The following EDIL3 variants were observed in gnomAD, a reference collection of about 807,000 sequenced individuals.
EDIL3 encodes EGF-like repeat and discoidin I-like domain-containing protein 3.
Under a neutral mutation model 67.4 loss-of-function variants are expected in EDIL3, and 37 were observed. The ratio of observed to expected loss-of-function variants is 0.55; its 90% CI spans 0.42 to 0.72. EDIL3 has a LOEUF of 0.72. EDIL3 is among the 30% of genes least tolerant of loss of function. EDIL3 has a pLI of 0.00. For missense variants in EDIL3, 527 were observed against 586.3 expected (o/e 0.90, Z 1.04); for synonymous variants, 195 against 196.3 (o/e 0.99, Z 0.05).
At chr5:84,011,852 G>T (rs1189681038) in intron 9 of EDIL3, among the ~76,000 whole-genome samples, 1 of 152,062 alleles carries the variant, frequency 6.6e-6, no homozygotes, top group East Asian at 1.9e-4. Context: ...ATCTAAAACA[G>T]CAATCCCATT....
At chr5:84,313,247 C>T (rs1388737835) in intron 1 of EDIL3, among the ~76,000 whole-genome samples, 2 of 152,310 alleles carry the variant, frequency 1.3e-5, no homozygotes, top group African/African-American at 4.8e-5. Context: ...ACCACTGCAG[C>T]TCCACATTAC....
chr5:84,124,781 T>A (rs1182823176), intron 5 of EDIL3, among the ~76,000 whole-genome samples: 1 of 151,960 alleles, frequency 6.6e-6, no homozygotes, highest in South Asian at 2.1e-4. Flanking sequence ...TTTTGCATAA[T>A]GAATGAACTC....
intron 4 of EDIL3, among the ~76,000 whole-genome samples, chr5:84,176,227 A>T (rs1188607960): frequency 3.8e-5 from 5 of 132,572 alleles, no homozygotes; most frequent in Non-Finnish European, 6.3e-5. Flanking sequence ...ATATATATAT[A>T]ATATATTGTA....
intron 2 of EDIL3, among the ~76,000 whole-genome samples, chr5:84,252,152 G>T (rs976692507): frequency 4.6e-5 from 7 of 151,982 alleles, no homozygotes; most frequent in African/African-American, 1.7e-4. Context: ...TTGAATGTTG[G>T]ATTAATATTT....
chr5:84,336,941 A>G (rs540989076), intron 1 of EDIL3, among the ~76,000 whole-genome samples: 2 of 152,222 alleles, frequency 1.3e-5, no homozygotes, highest in East Asian at 3.9e-4. Context: ...TCTAGTAGGT[A>G]GTAAAACTGA....
chr5:84,302,992 T>A (rs922377575), intron 1 of EDIL3, among the ~76,000 whole-genome samples: 1 of 152,218 alleles, frequency 6.6e-6, no homozygotes, highest in African/African-American at 2.4e-5. Context: ...GTAGCTTCTG[T>A]TCTAAAGAGA....
In EDIL3 at chr5:84,208,604, G is replaced by A. The variant is rs1416501617; in HGVS notation, c.226+21251C>T. Among the ~76,000 whole-genome samples the A allele has an allele frequency of 6.2e-5, 9 of 144,326 alleles. No individual in the cohort carries two copies. In the East Asian group the frequency reaches 6.3e-4, roughly 10 times the overall value. 94.7% of individuals were successfully genotyped at this position (144,326 alleles called of 152,430 possible). The stretch of plus-strand genomic sequence containing the variant: ...TGAGGCAGGAGAATGGCGTGAACCC[G>A]GGAAGCGGAGCTTGCAGTGAGCCGA... On this transcript the variant is annotated intron_variant, in intron 3 of 10. Transcript: ENST00000296591.
In EDIL3 at chr5:84,162,935, T is replaced by C. The variant is rs74426952; in HGVS notation, c.355+17458A>G. ...ACATCATCATAATAAAAGGAAAAGC[T>C]TAGTGTTTTATTTCTTTCTGACCTT... is the stretch of plus-strand genomic sequence containing the variant. On this transcript the variant is annotated intron_variant, in intron 4 of 10. Coordinates refer to ENST00000296591, the MANE Select transcript of EDIL3 (RefSeq NM_005711.5). Among the ~76,000 whole-genome samples, 448 of 152,216 alleles carry C rather than the reference T, an allele frequency of 2.9e-3. 2 individuals carry two copies. Among genetic ancestry groups the C allele is most frequent in the Non-Finnish European group, 4.7e-3 (321 of 67,994 alleles).
At chr5:84,105,633 C>T (rs189407164) in intron 6 of EDIL3, among the ~76,000 whole-genome samples, 25 of 152,038 alleles carry the variant, frequency 1.6e-4, no homozygotes, top group Non-Finnish European at 3.4e-4. Flanking sequence ...CAATATCTCC[C>T]TACTCTACTG....
intron 5 of EDIL3, among the ~76,000 whole-genome samples, chr5:84,110,677 G>A (rs1351454047): frequency 1.3e-5 from 2 of 152,168 alleles, no homozygotes; most frequent in Non-Finnish European, 2.9e-5. Context: ...GAGGATGGAA[G>A]TTAAGCTTGT....
intron 3 of EDIL3, among the ~76,000 whole-genome samples, chr5:84,186,345 A>C (rs1216531594): frequency 6.6e-6 from 1 of 152,072 alleles, no homozygotes; most frequent in Non-Finnish European, 1.5e-5. Context: ...CACTAATTTC[A>C]GGTTAAATAA....
chr5:84,150,736 C>A (rs1489321977), intron 4 of EDIL3, among the ~76,000 whole-genome samples: 1 of 152,102 alleles, frequency 6.6e-6, no homozygotes, highest in Non-Finnish European at 1.5e-5. Flanking sequence ...AATACTTAAA[C>A]ACATGTCTAC....
At chr5:84,158,117 G>A (rs1343412348) in intron 4 of EDIL3, among the ~76,000 whole-genome samples, 1 of 152,024 alleles carries the variant, frequency 6.6e-6, no homozygotes, top group Non-Finnish European at 1.5e-5. Context: ...AAAACCAGAT[G>A]TGCCAAATGA....
intron 1 of EDIL3, among the ~76,000 whole-genome samples, chr5:84,291,848 T>C (rs886073737): frequency 1.7e-4 from 26 of 149,246 alleles, no homozygotes; most frequent in African/African-American, 6.4e-4. Flanking sequence ...TATATATACC[T>C]ACAGGCCCTG....
Position 83,940,557 on chromosome 5 carries a change from T to A in EDIL3, c.*2862A>T, listed in dbSNP as rs1404671473. 1 of 152,044 alleles carries A rather than the reference T, an allele frequency of 6.6e-6. No individual in the cohort carries two copies. Among genetic ancestry groups the A allele is most frequent in the East Asian group, 1.9e-4 (1 of 5,188 alleles). 9.4% of individuals were successfully genotyped at this position (152,044 alleles called of 1,614,324 possible). ...ATTCACATTCAGACAATTTGTGTATTCTTATAAATGTGTTTAATTACAACT... is the reference window on the plus strand; with the variant it reads ...ATTCACATTCAGACAATTTGTGTATACTTATAAATGTGTTTAATTACAACT... On this transcript the variant is annotated 3_prime_UTR_variant, in exon 11 of 11. Transcript: ENST00000296591.
chr5:84,066,669 C>T (rs1019848194), intron 6 of EDIL3, 63 bp from the exon 7 acceptor site: 56 of 1,538,640 alleles, frequency 3.6e-5, no homozygotes, highest in African/African-American at 8.5e-5. Context: ...ACTGAAAATA[C>T]GAATTTTAGA....
chr5:84,104,948 G>T (rs141258724), intron 6 of EDIL3, among the ~76,000 whole-genome samples: 1 of 151,966 alleles, frequency 6.6e-6, no homozygotes, highest in Non-Finnish European at 1.5e-5. Flanking sequence ...TGAAGCTCAC[G>T]AACATAATTT....
At chr5:83,986,985 A>G (rs1181031297) in intron 9 of EDIL3, among the ~76,000 whole-genome samples, 1 of 152,136 alleles carries the variant, frequency 6.6e-6, no homozygotes, top group Non-Finnish European at 1.5e-5. Context: ...TCAGGAAGCT[A>G]AGAAAGTTAC....
chr5:84,074,749 T>C (rs1746818079), intron 6 of EDIL3, among the ~76,000 whole-genome samples: 2 of 152,042 alleles, frequency 1.3e-5, no homozygotes, highest in South Asian at 4.1e-4. Context: ...ACACTGTTGG[T>C]GGGACGGTAA....
Sources: allele counts gnomAD v4.1 joint callset (sites outside exome capture counted in the v4.1 genomes callset), GRCh38; gene constraint gnomAD v4.1.1; transcripts MANE v1.5; gene names NCBI Gene and HGNC (gene_info 2026-07-23, HGNC 2026-07-21).